SH3KBP1: variants seen among roughly 807,000 people sequenced by gnomAD.
The protein encoded by SH3KBP1 is SH3 domain-containing kinase-binding protein 1.
In SH3KBP1, 8 loss-of-function variants were observed where a neutral mutation model predicts 50.1. The observed-to-expected ratio is 0.16, with a 90% CI of 0.09 to 0.29. The LOEUF (loss-of-function observed/expected upper bound fraction) is 0.29. Among genes scored for constraint, SH3KBP1 ranks in the 10% least tolerant of loss-of-function variants. SH3KBP1 has a pLI of 1.00. For synonymous variants in SH3KBP1, 227 were observed against 218.6 expected (o/e 1.04, Z -0.34); for missense variants, 377 against 535.2 (o/e 0.70, Z 2.92).
At chrX:19,771,392 G>A (rs2065786230) in intron 2 of SH3KBP1, among the ~76,000 whole-genome samples, 1 of 111,564 alleles carries the variant, frequency 9.0e-6, no homozygotes, top group African/African-American at 3.3e-5. Context: ...GCTATGGGGA[G>A]GGTAACCGTA....
chrX:19,777,764 C>G (rs1365133797), intron 2 of SH3KBP1, among the ~76,000 whole-genome samples: 1 of 111,369 alleles, frequency 9.0e-6, no homozygotes, highest in Admixed American at 9.5e-5. Context: ...CAGTAGTTCT[C>G]AAAGTGGAGT....
chrX:19,631,559 G>A (rs2061578070), intron 8 of SH3KBP1, among the ~76,000 whole-genome samples: 1 of 112,811 alleles, frequency 8.9e-6, no homozygotes, highest in African/African-American at 3.2e-5. Context: ...CCTGGCTGCT[G>A]TGGAGGGCAG....
At chrX:19,879,837 C>T (rs1412821788) in intron 1 of SH3KBP1, among the ~76,000 whole-genome samples, 3 of 113,273 alleles carry the variant, frequency 2.6e-5, no homozygotes, top group Non-Finnish European at 5.6e-5. Context: ...GGTGCTCCAG[C>T]CATCTGTGTT....
rs1167676836 is a variant in SH3KBP1, at chrX:19,739,014, G to GAAAAAAAAAAAAAAAAAAAAAAAAAAA, written c.286+7303_286+7304insTTTTTTTTTTTTTTTTTTTTTTTTTTT. On this transcript the variant is annotated intron_variant, in intron 3 of 17. Coordinates refer to ENST00000397821, the MANE Select transcript of SH3KBP1 (RefSeq NM_031892.3). ...GGATAGAGCGAGACTCTGCCTCCAA[G>GAAAAAAAAAAAAAAAAAAAAAAAAAAA]AAAAAAAAAAAAAAAAAAAAAAAAA... is the stretch of plus-strand genomic sequence containing the variant. Among the ~76,000 whole-genome samples, 2 of 22,463 alleles carry GAAAAAAAAAAAAAAAAAAAAAAAAAAA rather than the reference G, an allele frequency of 8.9e-5. 1 individual carries two copies. 19.5% of individuals were successfully genotyped at this position (22,463 alleles called of 115,157 possible). A position where few individuals can be genotyped will look rare whatever the true frequency, so the allele number is the denominator to read the frequency against.
chrX:19,683,183 G>A, intron 6 of SH3KBP1: 3 of 290,918 alleles, frequency 1.0e-5, no homozygotes, highest in East Asian at 1.0e-4. Flanking sequence ...AGGGCTCTGG[G>A]TGTGTTGCTG....
rs185129005 is a variant in SH3KBP1 at position 19,834,557 on chromosome X, C to G, written c.162+1568G>C. On this transcript the variant is annotated intron_variant, in intron 2 of 17. Coordinates refer to ENST00000397821, the MANE Select transcript of SH3KBP1 (RefSeq NM_031892.3). Reference sequence around the variant, plus strand: ...GGTGATCTTTTTCTACCCAACAATTCAAAGTACTACTTACAACTGTGTGGT... The same window carrying G: ...GGTGATCTTTTTCTACCCAACAATTGAAAGTACTACTTACAACTGTGTGGT... Among the ~76,000 whole-genome samples, 41 of 112,183 alleles carry G rather than the reference C, an allele frequency of 3.7e-4. 2 individuals carry two copies. The highest frequency in any genetic ancestry group is 3.1e-3 in the East Asian group (11 of 3,583).
At chrX:19,744,353 C>T (rs911537647) in intron 3 of SH3KBP1, among the ~76,000 whole-genome samples, 3 of 111,766 alleles carry the variant, frequency 2.7e-5, no homozygotes, top group Non-Finnish European at 5.6e-5. Context: ...TCTGGCCTGA[C>T]AAGGCCAATC....
chrX:19,748,056 A>G (rs1446999954), intron 2 of SH3KBP1, among the ~76,000 whole-genome samples: 1 of 112,177 alleles, frequency 8.9e-6, no homozygotes, highest in African/African-American at 3.2e-5. Context: ...CTCTGAAAGT[A>G]AAGACAACAA....
chrX:19,658,792 C>T (rs1032852926), intron 6 of SH3KBP1, among the ~76,000 whole-genome samples: 3 of 110,909 alleles, frequency 2.7e-5, no homozygotes, highest in African/African-American at 9.9e-5. Flanking sequence ...CTCCTGACCT[C>T]GTGATCCACC....
At chrX:19,760,401 C>A (rs1807229) in intron 2 of SH3KBP1, among the ~76,000 whole-genome samples, 23,187 of 72,835 alleles carry the variant, frequency 0.32, 2,942 homozygotes, top group African/African-American at 0.54. Flanking sequence ...TAAATAAATA[C>A]ATACATACAT....
At chrX:19,682,152 G>C (rs2063069500) in intron 6 of SH3KBP1, among the ~76,000 whole-genome samples, 2 of 111,076 alleles carry the variant, frequency 1.8e-5, no homozygotes, top group African/African-American at 3.3e-5. Context: ...ATGAATTTAA[G>C]ATCTTCAAGT....
intron 2 of SH3KBP1, among the ~76,000 whole-genome samples, chrX:19,787,496 C>CA (rs748493324): frequency 4.5e-5 from 5 of 111,338 alleles, no homozygotes; most frequent in South Asian, 3.8e-4. Flanking sequence ...TGACTCATTG[C>CA]AAAAAAAGAT....
chrX:19,719,755 T>C (rs1419091818), intron 3 of SH3KBP1, among the ~76,000 whole-genome samples: 2 of 108,742 alleles, frequency 1.8e-5, no homozygotes, highest in Non-Finnish European at 3.8e-5. Context: ...CTCACACCTG[T>C]AATCCTAGCA....
At chrX:19,696,918 G>A (rs1347938209) in intron 4 of SH3KBP1, among the ~76,000 whole-genome samples, 7 of 111,848 alleles carry the variant, frequency 6.3e-5, no homozygotes, top group East Asian at 2.8e-4. Context: ...GGAACCATAC[G>A]TCAAATTTTG....
chrX:19,722,360 T>A (rs949886007), intron 3 of SH3KBP1, among the ~76,000 whole-genome samples: 2 of 111,883 alleles, frequency 1.8e-5, no homozygotes, highest in Non-Finnish European at 3.8e-5. Context: ...CACAGCCTCA[T>A]TACCCTCCCC....
chrX:19,809,198 C>T (rs773078087), intron 2 of SH3KBP1, among the ~76,000 whole-genome samples: 1 of 111,494 alleles, frequency 9.0e-6, no homozygotes, highest in East Asian at 2.8e-4. Context: ...AGAAATTGTC[C>T]TGAAAAAATA....
intron 8 of SH3KBP1, among the ~76,000 whole-genome samples, chrX:19,624,521 A>G: frequency 8.9e-6 from 1 of 111,866 alleles, no homozygotes; most frequent in Middle Eastern, 4.6e-3. Flanking sequence ...ACGACCATCA[A>G]AATGTTGGGG....
chrX:19,805,309 C>G (rs1041885821), intron 2 of SH3KBP1, among the ~76,000 whole-genome samples: 13 of 111,394 alleles, frequency 1.2e-4, no homozygotes, highest in African/African-American at 3.9e-4. Flanking sequence ...GCAGCAGAAC[C>G]TGCAAAATCT....
chrX:19,662,329 C>A (rs1433419894), intron 6 of SH3KBP1, among the ~76,000 whole-genome samples: 3 of 112,049 alleles, frequency 2.7e-5, no homozygotes, highest in Non-Finnish European at 5.6e-5. Flanking sequence ...AAACATATTT[C>A]CTGCTCTTCT....
Sources: gnomAD v4.1 joint callset for allele counts (sites outside exome capture counted in the v4.1 genomes callset) on GRCh38, gnomAD v4.1.1 for gene constraint, MANE v1.5 for transcripts, NCBI Gene and HGNC (gene_info 2026-07-23, HGNC 2026-07-21) for gene names.